The following ERP44 variants were observed in gnomAD, a reference collection of about 807,000 sequenced individuals.
ERP44 encodes the protein endoplasmic reticulum protein 44.
Under a neutral mutation model 53.4 loss-of-function variants are expected in ERP44, and 25 were observed. That is an observed-to-expected ratio of 0.47 (90% CI 0.34 to 0.65). The LOEUF (loss-of-function observed/expected upper bound fraction) is 0.65. Among genes scored for constraint, ERP44 ranks in the 30% least tolerant of loss-of-function variants. ERP44 has a pLI of 0.01. For missense variants in ERP44, 338 were observed against 493.2 expected (o/e 0.69, Z 2.98); for synonymous variants, 145 against 161.2 (o/e 0.90, Z 0.76).
intron 1 of ERP44, among the ~76,000 whole-genome samples, chr9:100,071,093 G>T (rs1220141425): frequency 4.2e-5 from 5 of 119,580 alleles, no homozygotes; most frequent in African/African-American, 6.5e-5. Flanking sequence ...ATTATATAAG[G>T]TTTTTTTTTT....
chr9:100,092,655 C>G (rs1265041505), intron 1 of ERP44, among the ~76,000 whole-genome samples: 1 of 152,154 alleles, frequency 6.6e-6, no homozygotes, highest in African/African-American at 2.4e-5. Flanking sequence ...TTCTGAATTA[C>G]TGGAAGAAGA....
chr9:100,034,715 G>GA (rs1825830702), intron 4 of ERP44, among the ~76,000 whole-genome samples: 1 of 152,120 alleles, frequency 6.6e-6, no homozygotes, highest in African/African-American at 2.4e-5. Context: ...CACAGAATTA[G>GA]AAAAAACTAT....
intron 1 of ERP44, among the ~76,000 whole-genome samples, chr9:100,066,454 G>A (rs1182524628): frequency 6.6e-6 from 1 of 152,214 alleles, no homozygotes; most frequent in Non-Finnish European, 1.5e-5. Context: ...ACTGTTCTCA[G>A]TTGGCAGTAC....
chr9:100,040,659 G>T (rs1025773412), intron 4 of ERP44, among the ~76,000 whole-genome samples: 1 of 152,118 alleles, frequency 6.6e-6, no homozygotes, highest in African/African-American at 2.4e-5. Flanking sequence ...GTCGTAGCTA[G>T]AGCAGTCAGA....
At chr9:100,001,862 T>A (rs1451958756) in intron 10 of ERP44, among the ~76,000 whole-genome samples, 1 of 152,204 alleles carries the variant, frequency 6.6e-6, no homozygotes, top group Non-Finnish European at 1.5e-5. Flanking sequence ...TGTTAATTGT[T>A]CACTGGTTGT....
At chr9:100,082,702 T>G (rs1826439969) in intron 1 of ERP44, among the ~76,000 whole-genome samples, 1 of 151,460 alleles carries the variant, frequency 6.6e-6, no homozygotes, top group Non-Finnish European at 1.5e-5. Context: ...GTATTTTAGA[T>G]CTGCATTTGG....
intron 2 of ERP44, 41 bp downstream of exon 2, chr9:100,060,059 A>G (rs771930199): frequency 4.0e-5 from 55 of 1,361,462 alleles, no homozygotes; most frequent in Non-Finnish European, 4.9e-5. Flanking sequence ...AACTCTCTAT[A>G]GAGAAGAAAG....
chr9:100,045,982 TA>T (rs1159755051), intron 4 of ERP44, among the ~76,000 whole-genome samples: 3 of 152,176 alleles, frequency 2.0e-5, no homozygotes. Context: ...ACTGTATTTA[TA>T]AAACTTATTG....
At chr9:100,033,788 CT>C (rs1222600071) in intron 4 of ERP44, among the ~76,000 whole-genome samples, 1 of 152,148 alleles carries the variant, frequency 6.6e-6, no homozygotes, top group Non-Finnish European at 1.5e-5. Flanking sequence ...TGGATATCAA[CT>C]TTTATTAGAA....
intron 5 of ERP44, among the ~76,000 whole-genome samples, chr9:100,021,239 G>C (rs1830585363): frequency 6.6e-6 from 1 of 152,182 alleles, no homozygotes; most frequent in Non-Finnish European, 1.5e-5. Flanking sequence ...ACAAATAGCA[G>C]GGTTACTGCT....
intron 10 of ERP44, among the ~76,000 whole-genome samples, chr9:99,987,043 T>A (rs1372757745): frequency 6.6e-6 from 1 of 152,218 alleles, no homozygotes; most frequent in Non-Finnish European, 1.5e-5. Flanking sequence ...CAAGAAATAA[T>A]TTATGATTAA....
At position 99,982,420 on chromosome 9, in the gene ERP44, T is replaced by TTA; in HGVS notation, c.*191_*192insTA. The TTA allele has an allele frequency of 7.1e-6, 2 of 283,110 alleles. No homozygotes were observed. Among genetic ancestry groups the TTA allele is most frequent in the Non-Finnish European group, 1.3e-5 (2 of 155,588 alleles). The allele number at this position is 283,110 out of a possible 1,614,324, so 17.5% of individuals were successfully genotyped here. ...TTTATTTTTAAATCCTAGCAGGTTT[T>TTA]TTTTTTTTAAGAGGCTACTATATTA... On this transcript the variant is annotated 3_prime_UTR_variant, in exon 12 of 12. Transcript: ENST00000262455.
chr9:100,019,403 C>T (rs1339648593), intron 6 of ERP44, among the ~76,000 whole-genome samples: 6 of 151,938 alleles, frequency 3.9e-5, no homozygotes, highest in Admixed American at 6.6e-5. Context: ...ACTGATAATG[C>T]GCACAATAAA....
At chr9:100,050,642 T>G (rs917182998) in intron 4 of ERP44, among the ~76,000 whole-genome samples, 4 of 152,202 alleles carry the variant, frequency 2.6e-5, no homozygotes, top group African/African-American at 9.6e-5. Context: ...ATCATTTCTT[T>G]AAAAGAATTA....
intron 8 of ERP44, among the ~76,000 whole-genome samples, chr9:100,008,168 C>T (rs904826773): frequency 3.3e-5 from 5 of 151,990 alleles, no homozygotes; most frequent in Admixed American, 3.3e-4. Context: ...TCTAAGGTTG[C>T]AAAAACCATT....
chr9:100,063,699 C>A (rs1216216376), intron 1 of ERP44, among the ~76,000 whole-genome samples: 1 of 152,090 alleles, frequency 6.6e-6, no homozygotes, highest in Admixed American at 6.5e-5. Flanking sequence ...AGAATATAGT[C>A]TCTAATGATG....
intron 10 of ERP44, among the ~76,000 whole-genome samples, chr9:99,999,923 G>C (rs1830359781): frequency 6.6e-6 from 1 of 152,026 alleles, no homozygotes; most frequent in African/African-American, 2.4e-5. Context: ...GCTTTTTCCA[G>C]CACCATTTAT....
chr9:100,095,452 T>C (rs1826615903), intron 1 of ERP44, among the ~76,000 whole-genome samples: 1 of 152,052 alleles, frequency 6.6e-6, no homozygotes, highest in Non-Finnish European at 1.5e-5. Flanking sequence ...TTATTTTTTT[T>C]TAAAAAAAGG....
intron 1 of ERP44, among the ~76,000 whole-genome samples, chr9:100,095,249 C>T (rs1465206368): frequency 2.0e-5 from 3 of 152,052 alleles, no homozygotes; most frequent in African/African-American, 4.8e-5. Flanking sequence ...AAACATAAAA[C>T]CCCACAAGGA....
Sources: gnomAD v4.1 joint callset for allele counts (sites outside exome capture counted in the v4.1 genomes callset) on GRCh38, gnomAD v4.1.1 for gene constraint, MANE v1.5 for transcripts, NCBI Gene and HGNC (gene_info 2026-07-23, HGNC 2026-07-21) for gene names.